NPAS2: variants seen among roughly 807,000 people sequenced by gnomAD.
NPAS2 encodes neuronal PAS domain protein 2, also known as neuronal PAS domain-containing protein 2.
In NPAS2, 23 loss-of-function variants were observed where a neutral mutation model predicts 107.5. That is an observed-to-expected ratio of 0.21 (90% confidence interval 0.15 to 0.30). The LOEUF is 0.30. Among genes scored for constraint, NPAS2 ranks in the 10% least tolerant of loss-of-function variants. NPAS2 has a pLI of 1.00. For synonymous variants in NPAS2, 403 were observed against 417.5 expected (o/e 0.97, Z 0.42); for missense variants, 756 against 1,043.3 (o/e 0.72, Z 3.79).
intron 2 of NPAS2, among the ~76,000 whole-genome samples, chr2:100,913,775 A>G (rs1682702549): frequency 6.6e-6 from 1 of 152,222 alleles, no homozygotes; most frequent in South Asian, 2.1e-4. Context: ...TACCTGCACC[A>G]CTATGCATGC....
intron 1 of NPAS2, among the ~76,000 whole-genome samples, chr2:100,884,077 T>C (rs1333277752): frequency 6.6e-6 from 1 of 152,202 alleles, no homozygotes; most frequent in Non-Finnish European, 1.5e-5. Flanking sequence ...CGGGGGCAGG[T>C]GCTCGAGAGA....
At chr2:100,963,482 T>G (rs1174050276) in intron 7 of NPAS2, among the ~76,000 whole-genome samples, 1 of 152,198 alleles carries the variant, frequency 6.6e-6, no homozygotes, top group Non-Finnish European at 1.5e-5. Flanking sequence ...CTTGGCTCAT[T>G]GCAACCTCCG....
At chr2:100,873,859 CTG>C (rs1332510925) in intron 1 of NPAS2, among the ~76,000 whole-genome samples, 4 of 152,192 alleles carry the variant, frequency 2.6e-5, no homozygotes, top group African/African-American at 7.2e-5. Context: ...TCATAACTGT[CTG>C]TAGCTTTAAA....
chr2:100,861,117 T>G (rs1024473996), intron 1 of NPAS2, among the ~76,000 whole-genome samples: 1 of 151,772 alleles, frequency 6.6e-6, no homozygotes, highest in African/African-American at 2.4e-5. Flanking sequence ...TCCTCCCATC[T>G]CAGCCTCCCA....
chr2:100,954,964 G>A (rs58194630), intron 7 of NPAS2, among the ~76,000 whole-genome samples: 5,736 of 151,610 alleles, frequency 0.038, 362 homozygotes, highest in African/African-American at 0.13. Context: ...TGGAACCTCT[G>A]CCTCCAGGGT....
At position 100,995,106 on chromosome 2, in the gene NPAS2, G is replaced by A. The variant is rs146383400; in HGVS notation, c.2293-294G>A. ...GTGGCTACATGTAGATCATGTGCAC[G>A]TGTTTACGAAACCATTCCCCATAGC... is the stretch of plus-strand genomic sequence containing the variant. On this transcript the variant is annotated intron_variant, in intron 20 of 20. Transcript: ENST00000335681. 8.4e-4 allele frequency: 333 copies of A among 395,396 alleles called. 1 individual carries two copies. Among genetic ancestry groups the A allele is most frequent in the African/African-American group, 6.0e-3 (297 of 49,242 alleles). The allele number at this position is 395,396 out of a possible 1,614,324, so 24.5% of individuals were successfully genotyped here.
intron 3 of NPAS2, among the ~76,000 whole-genome samples, chr2:100,930,597 C>T (rs557961236): frequency 3.3e-5 from 5 of 150,926 alleles, no homozygotes; most frequent in African/African-American, 1.2e-4. Context: ...ATTTTTTCCT[C>T]GATTCGAGAC....
intron 3 of NPAS2, among the ~76,000 whole-genome samples, chr2:100,928,571 A>G (rs1683730301): frequency 6.6e-6 from 1 of 152,168 alleles, no homozygotes; most frequent in African/African-American, 2.4e-5. Flanking sequence ...CCTTTTTCAT[A>G]AGATGAAGGC....
In NPAS2 at chr2:100,965,904, G is replaced by A; in HGVS notation, c.907+138G>A. On this transcript the variant is annotated intron_variant, in intron 10 of 20. Coordinates refer to ENST00000335681, the MANE Select transcript of NPAS2 (RefSeq NM_002518.4). The surrounding 1 kb of genome is among the most constrained non-coding windows in gnomAD (Gnocchi z 4.3). ...AGGTGAGGAACTTGGTTTTCTCTGAGATGATCTGGGGGCATGGTGGAGGCC... is the reference window on the plus strand; with the variant it reads ...AGGTGAGGAACTTGGTTTTCTCTGAAATGATCTGGGGGCATGGTGGAGGCC... 1.7e-6 allele frequency: 1 copy of A among 603,932 alleles called. No homozygotes were observed. Among genetic ancestry groups the A allele is most frequent in the Non-Finnish European group, 2.9e-6 (1 of 340,374 alleles). The allele number at this position is 603,932 out of a possible 1,614,324, so 37.4% of individuals were successfully genotyped here. A position where few individuals can be genotyped will look rare whatever the true frequency, so the allele number is the denominator to read the frequency against.
intron 1 of NPAS2, among the ~76,000 whole-genome samples, chr2:100,882,332 G>A (rs776742184): frequency 5.9e-5 from 9 of 152,164 alleles, no homozygotes; most frequent in East Asian, 1.9e-4. Flanking sequence ...ACAAACAGCC[G>A]GGCGCAGTGG....
At position 100,975,073 on chromosome 2, in the gene NPAS2, A is replaced by C. The variant is rs1558929833; in HGVS notation, c.1282+129A>C. 12 of 946,424 alleles carry C rather than the reference A, an allele frequency of 1.3e-5. No individual in the cohort carries two copies. The East Asian group carries it at 3.2e-4, about 26-fold the overall frequency. The allele number at this position is 946,424 out of a possible 1,614,324, so 58.6% of individuals were successfully genotyped here. A position where few individuals can be genotyped will look rare whatever the true frequency, so the allele number is the denominator to read the frequency against. On this transcript the variant is annotated intron_variant, in intron 13 of 20. Coordinates refer to ENST00000335681, the MANE Select transcript of NPAS2 (RefSeq NM_002518.4). ...TCCGACAGAGGTTGCCGTGCAGTTTATACTCCTCCTTTCCTTTCCCAGACT... is the reference window on the plus strand; with the variant it reads ...TCCGACAGAGGTTGCCGTGCAGTTTCTACTCCTCCTTTCCTTTCCCAGACT...
chr2:100,965,551 C>A lies in NPAS2; in HGVS notation c.801-109C>A. On this transcript the variant is annotated intron_variant, in intron 9 of 20. Coordinates refer to ENST00000335681, the MANE Select transcript of NPAS2 (RefSeq NM_002518.4). This position sits in a 1 kb window ranked among gnomAD's most constrained non-coding sequence, Gnocchi z 4.3. ...ACAAAGTTATTTTTCTCCCCTTGTTCTTGAGAAATGAGGCCTCCATGTTGA... is the reference window on the plus strand; with the variant it reads ...ACAAAGTTATTTTTCTCCCCTTGTTATTGAGAAATGAGGCCTCCATGTTGA... 1 of 657,154 alleles carries A rather than the reference C, an allele frequency of 1.5e-6. No individual in the cohort carries two copies. The highest frequency in any genetic ancestry group is 2.7e-6 in the Non-Finnish European group (1 of 372,650). 40.7% of individuals were successfully genotyped at this position (657,154 alleles called of 1,614,324 possible).
intron 1 of NPAS2, among the ~76,000 whole-genome samples, chr2:100,879,394 C>A (rs116430893): frequency 0.016 from 2,481 of 152,236 alleles, 73 homozygotes; most frequent in African/African-American, 0.056. Flanking sequence ...TCCTAATGCA[C>A]TACAATGTTA....
chr2:100,832,318 C>A (rs936854791), intron 1 of NPAS2, among the ~76,000 whole-genome samples: 1 of 152,162 alleles, frequency 6.6e-6, no homozygotes. Context: ...GGTCATTCAT[C>A]ATCCTTGTCC....
At chr2:100,951,884 T>C (rs190977827) in intron 7 of NPAS2, among the ~76,000 whole-genome samples, 68 of 152,268 alleles carry the variant, frequency 4.5e-4, no homozygotes, top group Non-Finnish European at 6.2e-4. Flanking sequence ...GCGCGGTGGC[T>C]CACACCTGTA....
At chr2:100,967,571 T>G (rs1676299428) in intron 10 of NPAS2, among the ~76,000 whole-genome samples, 1 of 152,160 alleles carries the variant, frequency 6.6e-6, no homozygotes, top group Non-Finnish European at 1.5e-5. Context: ...AGATTTCTCT[T>G]AACCATTTAC....
chr2:100,834,995 G>A (rs1227076706), intron 1 of NPAS2, among the ~76,000 whole-genome samples: 2 of 152,194 alleles, frequency 1.3e-5, no homozygotes, highest in Admixed American at 6.5e-5. Context: ...GATTACAGGC[G>A]TGAGCCACTG....
intron 1 of NPAS2, among the ~76,000 whole-genome samples, chr2:100,863,144 A>G (rs1241644347): frequency 6.6e-6 from 1 of 152,184 alleles, no homozygotes; most frequent in Non-Finnish European, 1.5e-5. Context: ...CTCACTGTCT[A>G]AAATAAGAGC....
intron 20 of NPAS2, chr2:100,993,851 A>C (rs1678287489): frequency 3.6e-6 from 1 of 280,626 alleles, no homozygotes; most frequent in Non-Finnish European, 6.6e-6. Flanking sequence ...AAGTCGAAAA[A>C]CATTGATGAC....
Sources: allele counts gnomAD v4.1 joint callset (sites outside exome capture counted in the v4.1 genomes callset), GRCh38; gene constraint gnomAD v4.1.1; non-coding constraint Gnocchi (gnomAD v3.1); transcripts MANE v1.5; gene names NCBI Gene and HGNC (gene_info 2026-07-23, HGNC 2026-07-21).